The following SLC39A11 variants were observed in gnomAD, a reference collection of about 807,000 sequenced individuals.
SLC39A11 encodes zinc transporter ZIP11.
Under a neutral mutation model 36.1 loss-of-function variants are expected in SLC39A11, and 33 were observed. The observed-to-expected ratio is 0.91, with a 90% CI of 0.69 to 1.22. The LOEUF is 1.22. Among genes scored for constraint, SLC39A11 ranks in the 50% most tolerant of loss-of-function variants. The pLI, the probability that SLC39A11 is intolerant of heterozygous loss-of-function variation, is 0.00. For synonymous variants in SLC39A11, 166 were observed against 170.3 expected, an observed-to-expected ratio of 0.97 and a Z score of 0.20; for missense variants, 432 against 430.3, an observed-to-expected ratio of 1.00 and a Z score of -0.03.
At chr17:72,730,998 C>T (rs542767763) in intron 7 of SLC39A11, among the ~76,000 whole-genome samples, 2 of 152,174 alleles carry the variant, frequency 1.3e-5, no homozygotes, top group Non-Finnish European at 2.9e-5. Flanking sequence ...GTGATCCGCC[C>T]GCCTCGGCCT....
At chr17:72,720,949 C>A (rs2073636667) in intron 7 of SLC39A11, among the ~76,000 whole-genome samples, 1 of 151,966 alleles carries the variant, frequency 6.6e-6, no homozygotes, top group African/African-American at 2.4e-5. Context: ...GAAACAAGAC[C>A]CACCCACTCC....
intron 5 of SLC39A11, among the ~76,000 whole-genome samples, chr17:72,918,308 C>G (rs542622824): frequency 6.6e-6 from 1 of 152,332 alleles, no homozygotes; most frequent in South Asian, 2.1e-4. Context: ...ACTCAGGAGT[C>G]TGAGGCAGGA....
chr17:72,759,111 C>T (rs9905183), intron 6 of SLC39A11, among the ~76,000 whole-genome samples: 6,564 of 144,524 alleles, frequency 0.045, 250 homozygotes, highest in African/African-American at 0.12. Flanking sequence ...AAAATAATAA[C>T]AATAATAATA....
At chr17:72,887,146 C>T (rs926669727) in intron 5 of SLC39A11, among the ~76,000 whole-genome samples, 1 of 152,180 alleles carries the variant, frequency 6.6e-6, no homozygotes. Context: ...TTTGGGTACA[C>T]TGATGTCATC....
intron 7 of SLC39A11, among the ~76,000 whole-genome samples, chr17:72,703,159 A>C (rs1598394904): frequency 6.6e-6 from 1 of 151,988 alleles, no homozygotes; most frequent in East Asian, 1.9e-4. Context: ...CTGAGATATT[A>C]GGGGGTTTCC....
intron 7 of SLC39A11, among the ~76,000 whole-genome samples, chr17:72,703,307 C>T (rs966633673): frequency 6.6e-6 from 1 of 152,220 alleles, no homozygotes; most frequent in African/African-American, 2.4e-5. Flanking sequence ...TCCCTCTACA[C>T]TCAAGTTCCA....
chr17:72,891,635 G>A (rs1477210530), intron 5 of SLC39A11, among the ~76,000 whole-genome samples: 5 of 151,560 alleles, frequency 3.3e-5, no homozygotes, highest in East Asian at 3.9e-4. Context: ...CTCTCTCTCC[G>A]GCCATTACCT....
At chr17:73,055,771 T>G (rs1391723800) in intron 3 of SLC39A11, among the ~76,000 whole-genome samples, 10 of 152,032 alleles carry the variant, frequency 6.6e-5, no homozygotes, top group Non-Finnish European at 1.3e-4. Flanking sequence ...TCTTAATCAA[T>G]CATAGCAGCT....
rs2079228723 is a variant in SLC39A11, at chr17:72,849,953, G to A, written c.431-149C>T. On this transcript the variant is annotated intron_variant, in intron 5 of 9. Coordinates refer to ENST00000255559, the MANE Select transcript of SLC39A11 (RefSeq NM_139177.4). ...CTGTCACCCAGCCTGGAGGGCAATG[G>A]TGTGATCACAACTCACTGCAGCCCC... 5 of 756,582 alleles carry A rather than the reference G, an allele frequency of 6.6e-6. No individual in the cohort carries two copies. In the South Asian group the frequency reaches 1.4e-4, roughly 21 times the overall value. The allele number at this position is 756,582 out of a possible 1,614,324, so 46.9% of individuals were successfully genotyped here. A position where few individuals can be genotyped will look rare whatever the true frequency, so the allele number is the denominator to read the frequency against.
chr17:72,982,973 G>C (rs1026425108), intron 4 of SLC39A11, among the ~76,000 whole-genome samples: 3 of 152,104 alleles, frequency 2.0e-5, no homozygotes, highest in Non-Finnish European at 4.4e-5. Context: ...GGTCAACTCA[G>C]AGAACGTCTA....
intron 1 of SLC39A11, chr17:73,089,803 T>A (rs780225123): frequency 6.6e-6 from 1 of 152,064 alleles, no homozygotes. Flanking sequence ...GAAGCTGAAG[T>A]TACACCACCG....
At chr17:72,996,351 T>C (rs1025545525) in intron 4 of SLC39A11, among the ~76,000 whole-genome samples, 2 of 152,148 alleles carry the variant, frequency 1.3e-5, no homozygotes, top group Non-Finnish European at 2.9e-5. Context: ...TTTCCTACTT[T>C]ATTGGTTTTC....
At chr17:72,863,409 C>T (rs1031120618) in intron 5 of SLC39A11, among the ~76,000 whole-genome samples, 7 of 152,074 alleles carry the variant, frequency 4.6e-5, no homozygotes, top group African/African-American at 1.7e-4. Flanking sequence ...CCAAGGGAAA[C>T]CCAAGGAGGG....
intron 3 of SLC39A11, among the ~76,000 whole-genome samples, chr17:73,032,569 C>T (rs2058772898): frequency 6.6e-6 from 1 of 152,180 alleles, no homozygotes; most frequent in South Asian, 2.1e-4. Flanking sequence ...ACGAGTTCCA[C>T]TGTATTGTAA....
At chr17:72,704,697 C>T (rs1320633234) in intron 7 of SLC39A11, among the ~76,000 whole-genome samples, 1 of 131,570 alleles carries the variant, frequency 7.6e-6, no homozygotes, top group Non-Finnish European at 1.7e-5. Context: ...CATACCTTAG[C>T]ATGACCTGGC....
intron 7 of SLC39A11, among the ~76,000 whole-genome samples, chr17:72,720,224 G>A (rs12952896): frequency 0.33 from 50,121 of 152,142 alleles, 9,124 homozygotes; most frequent in Admixed American, 0.44. Flanking sequence ...CAGGGCTCAT[G>A]AGCATGCACA....
In SLC39A11 at chr17:73,049,962, A is replaced by C. The variant is rs547226951; in HGVS notation, c.148-18248T>G. Among the ~76,000 whole-genome samples the C allele has an allele frequency of 1.1e-3, 175 of 152,244 alleles. 1 individual carries two copies. The highest frequency in any genetic ancestry group is 2.1e-3 in the Non-Finnish European group (143 of 68,028). ...ACATGGTGAAACCCCATCCCTACTA[A>C]AAATACAAAAATTAGCCGGGCGGAG... On this transcript the variant is annotated intron_variant, in intron 3 of 9. Transcript: ENST00000255559.
chr17:73,037,960 C>G (rs1411090807), intron 3 of SLC39A11, among the ~76,000 whole-genome samples: 1 of 152,232 alleles, frequency 6.6e-6, no homozygotes, highest in Non-Finnish European at 1.5e-5. Flanking sequence ...CAGGGGCTTA[C>G]GCCCATAATC....
chr17:72,818,931 T>C (rs1341126480), intron 6 of SLC39A11: 1 of 152,244 alleles, frequency 6.6e-6, no homozygotes, highest in African/African-American at 2.4e-5. Flanking sequence ...TACAAAAAGT[T>C]ATCTTCACTT....
Sources: gnomAD v4.1 joint callset for allele counts (sites outside exome capture counted in the v4.1 genomes callset) on GRCh38, gnomAD v4.1.1 for gene constraint, MANE v1.5 for transcripts, NCBI Gene and HGNC (gene_info 2026-07-23, HGNC 2026-07-21) for gene names.